The following DACH2 variants were observed in gnomAD, a reference collection of about 807,000 sequenced individuals.
The protein encoded by DACH2 is dachshund homolog 2.
Under a neutral mutation model 35.8 loss-of-function variants are expected in DACH2, and 17 were observed. The ratio of observed to expected loss-of-function variants is 0.48; its 90% CI spans 0.33 to 0.71. The LOEUF is 0.71. DACH2 is among the 30% of genes least tolerant of loss of function. The pLI, the probability that DACH2 is intolerant of heterozygous loss-of-function variation, is 0.02. For synonymous variants in DACH2, 195 were observed against 177.3 expected, an observed-to-expected ratio of 1.10 and a Z score of -0.79; for missense variants, 469 against 472.7, an observed-to-expected ratio of 0.99 and a Z score of 0.07.
intron 2 of DACH2, among the ~76,000 whole-genome samples, chrX:86,423,609 T>C (rs1377924761): frequency 9.1e-6 from 1 of 109,982 alleles, no homozygotes; most frequent in Non-Finnish European, 1.9e-5. Flanking sequence ...TCCCATTCTG[T>C]GAGTTGTGTC....
intron 1 of DACH2, among the ~76,000 whole-genome samples, chrX:86,177,933 CTGTT>C (rs1207138916): frequency 3.6e-5 from 4 of 111,220 alleles, no homozygotes; most frequent in African/African-American, 1.3e-4. Context: ...TGTAGAAAGA[CTGTT>C]TGAGGCACTA....
intron 7 of DACH2, among the ~76,000 whole-genome samples, chrX:86,756,387 T>A (rs1290356554): frequency 9.0e-6 from 1 of 111,346 alleles, no homozygotes; most frequent in Non-Finnish European, 1.9e-5. Context: ...TTTTCATTTT[T>A]TTGTGTCCTC....
At chrX:86,825,460 C>T (rs907241233) in intron 11 of DACH2, among the ~76,000 whole-genome samples, 3 of 110,970 alleles carry the variant, frequency 2.7e-5, no homozygotes, top group Admixed American at 9.6e-5. Flanking sequence ...CATTTTGTAA[C>T]TTATATGCTT....
chrX:86,229,610 T>G (rs752552653), intron 1 of DACH2, among the ~76,000 whole-genome samples: 1 of 112,033 alleles, frequency 8.9e-6, no homozygotes. Flanking sequence ...CATGGATATG[T>G]TTCCATTTGT....
At chrX:86,529,587 C>T (rs944298365) in intron 3 of DACH2, among the ~76,000 whole-genome samples, 1 of 109,646 alleles carries the variant, frequency 9.1e-6, no homozygotes, top group African/African-American at 3.3e-5. Flanking sequence ...ATTCTCCTGC[C>T]TCAGCCTCCT....
intron 6 of DACH2, among the ~76,000 whole-genome samples, chrX:86,730,871 T>A (rs1157374482): frequency 9.0e-6 from 1 of 111,484 alleles, no homozygotes; most frequent in Non-Finnish European, 1.9e-5. Flanking sequence ...GAGTGATTTG[T>A]TAGAGTGCTA....
intron 1 of DACH2, among the ~76,000 whole-genome samples, chrX:86,343,981 A>G (rs1445209783): frequency 9.1e-6 from 1 of 110,152 alleles, no homozygotes; most frequent in Non-Finnish European, 1.9e-5. Flanking sequence ...GAAATACTGA[A>G]TAAGACCTAC....
intron 2 of DACH2, among the ~76,000 whole-genome samples, chrX:86,490,623 C>T (rs1420412434): frequency 9.0e-6 from 1 of 111,276 alleles, no homozygotes; most frequent in Non-Finnish European, 1.9e-5. Flanking sequence ...TTGAGTTATC[C>T]GGGTTTGAGA....
chrX:86,367,719 G>C (rs760217187), intron 1 of DACH2, among the ~76,000 whole-genome samples: 2 of 111,576 alleles, frequency 1.8e-5, no homozygotes, highest in East Asian at 5.7e-4. Flanking sequence ...GTTTCCTTAT[G>C]CCTTGTTCAG....
In DACH2 at chrX:86,563,946, C is replaced by T. The variant is rs2039261207; in HGVS notation, c.640+49555C>T. Reference sequence around the variant, plus strand: ...CCCTTATTTCCACATTTTTATGTTACCTTACAGAAATCTGTACCTCTTAAT... The same window carrying T: ...CCCTTATTTCCACATTTTTATGTTATCTTACAGAAATCTGTACCTCTTAAT... On this transcript the variant is annotated intron_variant, in intron 3 of 11. Transcript: ENST00000373125. Among the ~76,000 whole-genome samples the T allele has an allele frequency of 3.6e-5, 4 of 111,015 alleles. No homozygotes were observed. In the Admixed American group the frequency reaches 3.9e-4, roughly 11 times the overall value.
intron 1 of DACH2, among the ~76,000 whole-genome samples, chrX:86,297,680 G>A (rs2034494644): frequency 8.9e-6 from 1 of 112,079 alleles, no homozygotes; most frequent in South Asian, 3.7e-4. Context: ...TATTATGTTG[G>A]CTTAGAAAAT....
chrX:86,695,207 G>T, intron 5 of DACH2, 28 bp downstream of exon 5: 1 of 972,690 alleles, frequency 1.0e-6, no homozygotes, highest in East Asian at 3.9e-5. Context: ...ACAAAACTGG[G>T]TGTGTTGAAC....
At chrX:86,543,310 C>A (rs2038911759) in intron 3 of DACH2, among the ~76,000 whole-genome samples, 1 of 111,409 alleles carries the variant, frequency 9.0e-6, no homozygotes, top group African/African-American at 3.3e-5. Context: ...AAGATAAATG[C>A]AAAAATATAA....
chrX:86,753,879 C>G (rs753153752), intron 7 of DACH2, among the ~76,000 whole-genome samples: 1 of 109,139 alleles, frequency 9.2e-6, no homozygotes, highest in South Asian at 3.9e-4. Flanking sequence ...CAAGTTTTAT[C>G]TTTTGATCTC....
chrX:86,300,543 G>A (rs980610693), intron 1 of DACH2, among the ~76,000 whole-genome samples: 1 of 107,827 alleles, frequency 9.3e-6, no homozygotes, highest in Non-Finnish European at 1.9e-5. Flanking sequence ...GGTGGGGGAA[G>A]GGAGAGGGGG....
chrX:86,800,438 C>T (rs1413596497), intron 7 of DACH2, among the ~76,000 whole-genome samples: 2 of 111,712 alleles, frequency 1.8e-5, no homozygotes, highest in Non-Finnish European at 3.8e-5. Context: ...GGCATTTACA[C>T]ATCCTTGCCT....
intron 2 of DACH2, among the ~76,000 whole-genome samples, chrX:86,510,750 A>G (rs1475773280): frequency 8.9e-6 from 1 of 111,891 alleles, no homozygotes; most frequent in African/African-American, 3.2e-5. Context: ...GCCTTGTACC[A>G]TAACAACTTT....
chrX:86,204,953 T>G (rs2032248001), intron 1 of DACH2, among the ~76,000 whole-genome samples: 2 of 112,159 alleles, frequency 1.8e-5, no homozygotes, highest in Admixed American at 1.9e-4. Context: ...TCACATCATT[T>G]AATTACTTTG....
chrX:86,391,282 TAAAAAAAAAAAAAAAAAAAAAA>T (rs55941702), intron 2 of DACH2, among the ~76,000 whole-genome samples: 4 of 21,434 alleles, frequency 1.9e-4, no homozygotes, highest in Admixed American at 9.3e-4. Flanking sequence ...GGCTCTGTCT[TAAAAAAAAAAAAAAAAAAAAAA>T]AAAAAAAAAA....
Sources: allele counts gnomAD v4.1 joint callset (sites outside exome capture counted in the v4.1 genomes callset), GRCh38; gene constraint gnomAD v4.1.1; transcripts MANE v1.5; gene names NCBI Gene and HGNC (gene_info 2026-07-23, HGNC 2026-07-21).